Variants in HDAC9 observed in about 807,000 individuals in gnomAD.
HDAC9 encodes the protein MEF-2 interacting transcription repressor (MITR) protein.
Under a neutral mutation model 139.4 loss-of-function variants are expected in HDAC9, and 41 were observed. The ratio of observed to expected loss-of-function variants is 0.29; its 90% CI spans 0.23 to 0.38. HDAC9 has a LOEUF of 0.38. Among genes scored for constraint, HDAC9 ranks in the 10% least tolerant of loss-of-function variants. The probability of loss-of-function intolerance (pLI) is 1.00; values close to 1 mark genes in which losing one functional copy is unlikely to be tolerated. For missense variants in HDAC9, 1,147 were observed against 1,297.0 expected (o/e 0.88, Z 1.78); for synonymous variants, 517 against 476.2 (o/e 1.09, Z -1.12).
chr7:18,764,357 T>A (rs1789643279), intron 15 of HDAC9, among the ~76,000 whole-genome samples: 1 of 152,178 alleles, frequency 6.6e-6, no homozygotes, highest in Non-Finnish European at 1.5e-5. Flanking sequence ...TTCTCAGTGA[T>A]CATTGCAACA....
At chr7:18,801,977 G>A (rs931110324) in intron 17 of HDAC9, among the ~76,000 whole-genome samples, 1 of 151,792 alleles carries the variant, frequency 6.6e-6, no homozygotes, top group Non-Finnish European at 1.5e-5. Flanking sequence ...TCTGTCAGAA[G>A]TTTGACAATT....
At chr7:18,843,019 AGGTC>A (rs1796686181) in intron 21 of HDAC9, among the ~76,000 whole-genome samples, 2 of 152,090 alleles carry the variant, frequency 1.3e-5, no homozygotes. Flanking sequence ...TGTTTTTAAA[AGGTC>A]GGATCAGCTA....
At chr7:18,154,148 TAC>T in intron 1 of HDAC9, among the ~76,000 whole-genome samples, 1 of 152,354 alleles carries the variant, frequency 6.6e-6, no homozygotes, top group Admixed American at 6.5e-5. Context: ...GTTTCTAACT[TAC>T]AGTTTTTTTT....
intron 17 of HDAC9, among the ~76,000 whole-genome samples, chr7:18,816,177 A>T (rs1794548917): frequency 6.6e-6 from 1 of 152,246 alleles, no homozygotes; most frequent in Non-Finnish European, 1.5e-5. Flanking sequence ...TCTCATAAAG[A>T]TTTATGTGTT....
chr7:18,853,367 T>G (rs910746782), intron 21 of HDAC9, among the ~76,000 whole-genome samples: 10 of 151,988 alleles, frequency 6.6e-5, no homozygotes, highest in Admixed American at 1.3e-4. Context: ...AAAAATGAGT[T>G]TGGGGGTTTC....
At chr7:18,993,512 A>T (rs1786175385) in intron 25 of HDAC9, among the ~76,000 whole-genome samples, 1 of 152,144 alleles carries the variant, frequency 6.6e-6, no homozygotes, top group South Asian at 2.1e-4. Flanking sequence ...GACGCTGGGG[A>T]GAATTGAGGC....
chr7:18,942,828 CA>C lies in HDAC9; in HGVS notation c.2937+6887del, dbSNP rs774116851. ...CTACAAATTAGGACTACTACTTGGACAGTTAGCAGTTCAACATTTACCGGCA... is the reference window on the plus strand; with the variant it reads ...CTACAAATTAGGACTACTACTTGGACGTTAGCAGTTCAACATTTACCGGCA... On this transcript the variant is annotated intron_variant, in intron 23 of 25. Transcript: ENST00000686413. Among the ~76,000 whole-genome samples, 5 of 151,914 alleles carry C rather than the reference CA, an allele frequency of 3.3e-5. No individual in the cohort carries two copies. The East Asian group carries it at 5.8e-4, about 18-fold the overall frequency.
chr7:18,760,185 T>C (rs1047702720), intron 14 of HDAC9, among the ~76,000 whole-genome samples: 1 of 152,146 alleles, frequency 6.6e-6, no homozygotes, highest in African/African-American at 2.4e-5. Context: ...CCAGAATTGG[T>C]TGCCACATTC....
At chr7:18,435,872 A>G (rs527244571) in intron 1 of HDAC9, among the ~76,000 whole-genome samples, 1 of 149,592 alleles carries the variant, frequency 6.7e-6, no homozygotes, top group South Asian at 2.1e-4. Flanking sequence ...AGAGAGTGAT[A>G]TGCAATATAT....
chr7:18,199,351 T>C (rs558739316), intron 2 of HDAC9, among the ~76,000 whole-genome samples: 1 of 152,358 alleles, frequency 6.6e-6, no homozygotes, highest in South Asian at 2.1e-4. Flanking sequence ...ATTCATTTTA[T>C]TTTTGTTTAT....
chr7:18,855,777 A>AAACTAT (rs796574673), intron 21 of HDAC9, among the ~76,000 whole-genome samples: 5 of 152,184 alleles, frequency 3.3e-5, no homozygotes, highest in African/African-American at 1.2e-4. Flanking sequence ...CTGTCTAACC[A>AAACTAT]AACGGTAGCT....
chr7:18,918,493 T>G (rs1022766541), intron 22 of HDAC9, among the ~76,000 whole-genome samples: 2 of 152,092 alleles, frequency 1.3e-5, no homozygotes, highest in Admixed American at 6.6e-5. Context: ...TTTATAGCTT[T>G]TATTACTCAG....
intron 21 of HDAC9, among the ~76,000 whole-genome samples, chr7:18,867,027 G>A (rs1459254070): frequency 1.3e-5 from 2 of 152,200 alleles, no homozygotes; most frequent in Admixed American, 6.5e-5. Context: ...TCTGCTTACT[G>A]TGTTTAGCAT....
intron 9 of HDAC9, among the ~76,000 whole-genome samples, chr7:18,646,253 C>T (rs960809435): frequency 6.6e-6 from 1 of 151,972 alleles, no homozygotes; most frequent in Non-Finnish European, 1.5e-5. Flanking sequence ...TGTTCTAAGC[C>T]ACTCCTCTCA....
intron 2 of HDAC9, among the ~76,000 whole-genome samples, chr7:18,229,412 G>C (rs144794663): frequency 6.6e-6 from 1 of 152,322 alleles, no homozygotes; most frequent in African/African-American, 2.4e-5. Flanking sequence ...GTTAAAAGTA[G>C]AGTGCAGGGA....
intron 1 of HDAC9, among the ~76,000 whole-genome samples, chr7:18,436,713 T>G (rs1253012948): frequency 6.6e-6 from 1 of 152,348 alleles, no homozygotes; most frequent in East Asian, 1.9e-4. Flanking sequence ...GAGGCTTCAT[T>G]TTAATACACA....
chr7:18,786,816 CTTCA>C (rs747154238), intron 16 of HDAC9, among the ~76,000 whole-genome samples: 2,448 of 81,866 alleles, frequency 0.03, 134 homozygotes, highest in African/African-American at 0.081. Flanking sequence ...TCCTTCCTTC[CTTCA>C]TTCCTTCCTT....
At chr7:18,184,803 G>A (rs1335024044) in intron 2 of HDAC9, among the ~76,000 whole-genome samples, 2 of 152,154 alleles carry the variant, frequency 1.3e-5, no homozygotes, top group African/African-American at 4.8e-5. Context: ...CTATATAGTT[G>A]TGTCAGATAT....
intron 6 of HDAC9, among the ~76,000 whole-genome samples, chr7:18,608,900 T>C (rs1258238352): frequency 1.3e-5 from 2 of 152,192 alleles, no homozygotes; most frequent in Admixed American, 6.5e-5. Flanking sequence ...ACCGTACTTC[T>C]TGAGGAACTA....
Sources: allele counts gnomAD v4.1 joint callset (sites outside exome capture counted in the v4.1 genomes callset), GRCh38; gene constraint gnomAD v4.1.1; transcripts MANE v1.5; gene names NCBI Gene and HGNC (gene_info 2026-07-23, HGNC 2026-07-21).